The following RSRC1 variants were observed in gnomAD, a reference collection of about 807,000 sequenced individuals.
The protein encoded by RSRC1 is arginine and serine rich coiled-coil 1.
RSRC1 carries 39 observed loss-of-function variants against 49.1 expected under a neutral mutation model. The ratio of observed to expected loss-of-function variants is 0.79; its 90% CI spans 0.61 to 1.04. RSRC1 has a LOEUF of 1.04. Among genes scored for constraint, RSRC1 ranks in the 50% least tolerant of loss-of-function variants. RSRC1 has a pLI of 0.00. For synonymous variants in RSRC1, 143 were observed against 130.8 expected (o/e 1.09, Z -0.63); for missense variants, 388 against 402.4 (o/e 0.96, Z 0.31).
intron 4 of RSRC1, among the ~76,000 whole-genome samples, chr3:158,256,501 G>T (rs527571285): frequency 2.0e-5 from 3 of 152,276 alleles, no homozygotes; most frequent in East Asian, 3.9e-4. Context: ...TGTTCATCAG[G>T]GGTATTGGTC....
At chr3:158,425,137 G>C (rs1379965912) in intron 6 of RSRC1, among the ~76,000 whole-genome samples, 2 of 151,558 alleles carry the variant, frequency 1.3e-5, no homozygotes, top group Non-Finnish European at 2.9e-5. Flanking sequence ...GAATGTGTTT[G>C]CTCTTGCTTT....
At position 158,181,083 on chromosome 3, in the gene RSRC1, C is replaced by T. The variant is rs550746153; in HGVS notation, c.321-21989C>T. 5.3e-5 allele frequency among the ~76,000 whole-genome samples: 8 copies of T among 152,100 alleles called. No individual in the cohort carries two copies. The South Asian group carries it at 6.2e-4, about 12-fold the overall frequency. ...CCTCCCAAAGTGCTGGGATTACAGG[C>T]GTGAGCCACCGCCCCTGGCCCTATG... On this transcript the variant is annotated intron_variant, in intron 3 of 9. Transcript: ENST00000611884.
At chr3:158,442,917 G>T (rs1736461843) in intron 6 of RSRC1, among the ~76,000 whole-genome samples, 1 of 152,056 alleles carries the variant, frequency 6.6e-6, no homozygotes, top group Admixed American at 6.6e-5. Flanking sequence ...CCTCTTGTAT[G>T]TCTCCATCAA....
intron 6 of RSRC1, among the ~76,000 whole-genome samples, chr3:158,373,830 A>G (rs1309551362): frequency 6.6e-6 from 1 of 152,014 alleles, no homozygotes; most frequent in Non-Finnish European, 1.5e-5. Flanking sequence ...TCACCAGTAG[A>G]CTATGTAAAT....
At chr3:158,282,177 A>T (rs1040343956) in intron 4 of RSRC1, among the ~76,000 whole-genome samples, 1 of 152,228 alleles carries the variant, frequency 6.6e-6, no homozygotes, top group African/African-American at 2.4e-5. Flanking sequence ...TGGGAAATGG[A>T]TATATACATA....
intron 4 of RSRC1, among the ~76,000 whole-genome samples, chr3:158,217,932 A>G (rs1722041620): frequency 6.6e-6 from 1 of 151,528 alleles, no homozygotes; most frequent in Non-Finnish European, 1.5e-5. Context: ...TAGGATGAGT[A>G]GGAGTTAGTG....
chr3:158,366,129 G>A (rs28813180), intron 6 of RSRC1, among the ~76,000 whole-genome samples: 65,080 of 151,986 alleles, frequency 0.43, 14,791 homozygotes, highest in South Asian at 0.59. Flanking sequence ...TTCTTTTGCT[G>A]TGCAGAAGCT....
chr3:158,525,112 A>G (rs1434216028), intron 7 of RSRC1, among the ~76,000 whole-genome samples: 3 of 151,982 alleles, frequency 2.0e-5, no homozygotes, highest in Non-Finnish European at 4.4e-5. Context: ...TTTGAAAGAT[A>G]CCATTAAGAA....
chr3:158,344,795 C>T (rs1730451886), intron 5 of RSRC1, among the ~76,000 whole-genome samples: 2 of 152,014 alleles, frequency 1.3e-5, no homozygotes, highest in Admixed American at 1.3e-4. Context: ...ACAACAATGA[C>T]ATTAATACTA....
intron 3 of RSRC1, among the ~76,000 whole-genome samples, chr3:158,136,582 C>A: frequency 6.7e-6 from 1 of 148,706 alleles, no homozygotes; most frequent in Non-Finnish European, 1.5e-5. Context: ...ATTTTTAGGG[C>A]TAAAAGGTTA....
chr3:158,470,982 A>C (rs1227561802), intron 7 of RSRC1, among the ~76,000 whole-genome samples: 1 of 152,242 alleles, frequency 6.6e-6, no homozygotes, highest in African/African-American at 2.4e-5. Context: ...CCTAGGCTGG[A>C]AAACCAAGCA....
intron 3 of RSRC1, among the ~76,000 whole-genome samples, chr3:158,126,427 G>T (rs1014206982): frequency 1.3e-5 from 2 of 151,786 alleles, no homozygotes; most frequent in Non-Finnish European, 2.9e-5. Flanking sequence ...ACAAAACATT[G>T]TCTTTTAAGT....
intron 4 of RSRC1, among the ~76,000 whole-genome samples, chr3:158,274,700 C>T (rs1578272178): frequency 2.0e-5 from 3 of 152,108 alleles, no homozygotes; most frequent in African/African-American, 4.8e-5. Context: ...TCCTGGAAGC[C>T]GTGATGGAAA....
chr3:158,141,461 A>C (rs551690002), intron 3 of RSRC1, among the ~76,000 whole-genome samples: 71 of 152,346 alleles, frequency 4.7e-4, no homozygotes, highest in African/African-American at 1.6e-3. Flanking sequence ...TTAAGGACAC[A>C]TTTATGCTAA....
chr3:158,118,010 C>T (rs1578099445), intron 1 of RSRC1, among the ~76,000 whole-genome samples: 2 of 152,080 alleles, frequency 1.3e-5, no homozygotes, highest in East Asian at 3.9e-4. Flanking sequence ...AATGCAGTGG[C>T]ACAATGTTGG....
At chr3:158,203,337 C>T (rs1721179654) in intron 4 of RSRC1, 92 bp downstream of exon 4, 1 of 1,310,390 alleles carries the variant, frequency 7.6e-7, no homozygotes, top group Non-Finnish European at 1.0e-6. Context: ...TTTCTTGTGG[C>T]TTATTTGCTA....
intron 7 of RSRC1, among the ~76,000 whole-genome samples, chr3:158,511,191 G>T (rs1740151625): frequency 6.6e-6 from 1 of 151,818 alleles, no homozygotes; most frequent in Non-Finnish European, 1.5e-5. Flanking sequence ...GTGCCATGCT[G>T]GTGCACTGCA....
rs1197299004 is a variant in RSRC1, at chr3:158,168,007, G to C, written c.321-35065G>C. Among the ~76,000 whole-genome samples the C allele has an allele frequency of 2.6e-5, 4 of 152,310 alleles. No homozygotes were observed. In the East Asian group the frequency reaches 5.8e-4, roughly 22 times the overall value. ...AGTCTACCTACCATCAGACTTGTGA[G>C]TGAGGGAGGGTATCGTAGACCTGGG... On this transcript the variant is annotated intron_variant, in intron 3 of 9. Transcript: ENST00000611884.
chr3:158,457,740 GTT>G (rs762873924), intron 6 of RSRC1, among the ~76,000 whole-genome samples: 7 of 78,778 alleles, frequency 8.9e-5, no homozygotes, highest in Admixed American at 4.0e-4. Flanking sequence ...GTTTTTTTTT[GTT>G]TTTTTTTTTT....
Sources: gnomAD v4.1 joint callset for allele counts (sites outside exome capture counted in the v4.1 genomes callset) on GRCh38, gnomAD v4.1.1 for gene constraint, MANE v1.5 for transcripts, NCBI Gene and HGNC (gene_info 2026-07-23, HGNC 2026-07-21) for gene names.